The following USP12 variants were observed in gnomAD, a reference collection of about 807,000 sequenced individuals.
The protein encoded by USP12 is ubiquitin specific peptidase 12.
USP12 carries 19 observed loss-of-function variants against 45.5 expected under a neutral mutation model. The observed-to-expected ratio is 0.42, with a 90% CI of 0.29 to 0.61. The LOEUF (loss-of-function observed/expected upper bound fraction) is 0.61, where lower values mean the gene tolerates loss of function less well. USP12 is among the 20% of genes least tolerant of loss of function. The probability of loss-of-function intolerance (pLI) is 0.22; values close to 1 mark genes in which losing one functional copy is unlikely to be tolerated. For synonymous variants in USP12, 149 were observed against 148.8 expected (o/e 1.00, Z -0.01); for missense variants, 242 against 447.7 (o/e 0.54, Z 4.15).
chr13:27,093,334 G>C (rs961443998), intron 4 of USP12, among the ~76,000 whole-genome samples: 2 of 147,420 alleles, frequency 1.4e-5, no homozygotes, highest in Non-Finnish European at 3.0e-5. Context: ...CTTAAAATTC[G>C]ACAATACTCA....
chr13:27,153,010 GATTA>G (rs1319721453), intron 1 of USP12, among the ~76,000 whole-genome samples: 1 of 147,554 alleles, frequency 6.8e-6, no homozygotes, highest in Admixed American at 6.8e-5. Context: ...AGTCTTTTTT[GATTA>G]ATTGTTTACA....
chr13:27,160,697 C>G (rs1229713961), intron 1 of USP12, among the ~76,000 whole-genome samples: 1 of 152,056 alleles, frequency 6.6e-6, no homozygotes, highest in Admixed American at 6.5e-5. Context: ...AGCTTTAAAC[C>G]TCTAGGTCCA....
intron 6 of USP12, among the ~76,000 whole-genome samples, chr13:27,082,791 A>G (rs1427272491): frequency 6.6e-6 from 1 of 152,152 alleles, no homozygotes; most frequent in Non-Finnish European, 1.5e-5. Flanking sequence ...GGAGGGGGAA[A>G]ACGTCAGGTG....
chr13:27,090,319 C>T (rs184652382), intron 4 of USP12, among the ~76,000 whole-genome samples, 161 bp from the exon 5 acceptor site: 2 of 152,300 alleles, frequency 1.3e-5, no homozygotes, highest in African/African-American at 2.4e-5. Context: ...CAAAAGGACA[C>T]TGAATAAATA....
At chr13:27,131,044 A>G (rs769659826) in intron 1 of USP12, among the ~76,000 whole-genome samples, 1 of 152,256 alleles carries the variant, frequency 6.6e-6, no homozygotes, top group Non-Finnish European at 1.5e-5. Context: ...ATGACACTCA[A>G]AGTTTATGTG....
intron 1 of USP12, chr13:27,170,120 T>C (rs994006485): frequency 2.5e-6 from 1 of 392,428 alleles, no homozygotes; most frequent in African/African-American, 2.1e-5. Context: ...TATAGTCCAT[T>C]TAATACAAAT....
At chr13:27,132,887 C>G (rs1876571614) in intron 1 of USP12, among the ~76,000 whole-genome samples, 1 of 152,198 alleles carries the variant, frequency 6.6e-6, no homozygotes, top group Non-Finnish European at 1.5e-5. Flanking sequence ...GGCAAACCAG[C>G]CACTCTGAAG....
At chr13:27,167,535 TTTC>T (rs1169725840) in intron 1 of USP12, among the ~76,000 whole-genome samples, 2 of 151,932 alleles carry the variant, frequency 1.3e-5, no homozygotes, top group African/African-American at 2.4e-5. Flanking sequence ...TTTTTGAGGT[TTTC>T]TTATTTTTTT....
intron 4 of USP12, among the ~76,000 whole-genome samples, chr13:27,094,844 A>G (rs1173970450): frequency 1.3e-5 from 2 of 152,136 alleles, no homozygotes. Flanking sequence ...TGAATAGGGA[A>G]AATGCTATAA....
intron 2 of USP12, 58 bp downstream of exon 2, chr13:27,116,458 C>A (rs1283466810): frequency 2.0e-6 from 3 of 1,514,804 alleles, no homozygotes; most frequent in Admixed American, 3.6e-5. Context: ...GGAATGCATT[C>A]ATCGTTTTTA....
intron 1 of USP12, among the ~76,000 whole-genome samples, chr13:27,148,732 A>G (rs554937027): frequency 6.8e-6 from 1 of 147,686 alleles, no homozygotes; most frequent in African/African-American, 2.5e-5. Flanking sequence ...GTAGGTTGAA[A>G]TGGGCTAACA....
At position 27,079,259 on chromosome 13, in the gene USP12, ATT is replaced by A. The variant is rs1272768167; in HGVS notation, c.735-3873_735-3872del. Reference sequence around the variant, plus strand: ...GGAGAGGGAAGGAAACCAGGTAAGGATTCAATCTCAAGCAAAATCCCAGGAAG... The same window carrying A: ...GGAGAGGGAAGGAAACCAGGTAAGGACAATCTCAAGCAAAATCCCAGGAAG... On this transcript the variant is annotated intron_variant, in intron 6 of 8. Coordinates refer to ENST00000282344, the MANE Select transcript of USP12 (RefSeq NM_182488.4). 1.4e-4 allele frequency among the ~76,000 whole-genome samples: 21 copies of A among 151,834 alleles called. 1 individual carries two copies. In the South Asian group the frequency reaches 3.8e-3, roughly 27 times the overall value.
At chr13:27,096,229 A>T (rs1286575405) in intron 3 of USP12, among the ~76,000 whole-genome samples, 1 of 152,254 alleles carries the variant, frequency 6.6e-6, no homozygotes, top group East Asian at 1.9e-4. Flanking sequence ...TTAGACCCAC[A>T]AAGTTTATCA....
intron 1 of USP12, 79 bp downstream of exon 1, chr13:27,171,513 A>C: frequency 3.1e-6 from 1 of 327,568 alleles, no homozygotes; most frequent in Non-Finnish European, 4.4e-6. Context: ...GCGAGCGGCC[A>C]CTGGGAGAGG....
chr13:27,105,627 A>C, intron 3 of USP12, 104 bp downstream of exon 3: 1 of 1,104,688 alleles, frequency 9.1e-7, no homozygotes, highest in Non-Finnish European at 1.3e-6. Context: ...TCAACAGCTA[A>C]CATGTTATCA....
At chr13:27,111,221 A>G (rs139957304) in intron 2 of USP12, among the ~76,000 whole-genome samples, 1 of 152,322 alleles carries the variant, frequency 6.6e-6, no homozygotes, top group East Asian at 1.9e-4. Flanking sequence ...GCTGACTTTC[A>G]ATCTTTTTAA....
At chr13:27,168,393 C>T (rs981943989) in intron 1 of USP12, among the ~76,000 whole-genome samples, 2 of 152,202 alleles carry the variant, frequency 1.3e-5, no homozygotes, top group African/African-American at 4.8e-5. Context: ...AGCTCCAAAG[C>T]AGGGGCTGTC....
intron 6 of USP12, among the ~76,000 whole-genome samples, chr13:27,086,099 G>A (rs753122827): frequency 6.7e-6 from 1 of 149,450 alleles, no homozygotes; most frequent in Non-Finnish European, 1.5e-5. Context: ...AAGCCCAGGA[G>A]TCTGAGGCTA....
chr13:27,145,925 G>A (rs1436437789), intron 1 of USP12, among the ~76,000 whole-genome samples: 1 of 152,114 alleles, frequency 6.6e-6, no homozygotes, highest in East Asian at 1.9e-4. Context: ...TAATGATCCA[G>A]ATTTTGTTTT....
Sources: gnomAD v4.1 joint callset for allele counts (sites outside exome capture counted in the v4.1 genomes callset) on GRCh38, gnomAD v4.1.1 for gene constraint, MANE v1.5 for transcripts, NCBI Gene and HGNC (gene_info 2026-07-23, HGNC 2026-07-21) for gene names.